The following NBAS variants were observed in gnomAD, a reference collection of about 807,000 sequenced individuals.
NBAS encodes NAG/BC035112 fusion.
A neutral mutation model predicts 302.5 loss-of-function variants in NBAS; 219 were observed. The ratio of observed to expected loss-of-function variants is 0.72; its 90% confidence interval spans 0.65 to 0.81. The LOEUF is 0.81. Among genes scored for constraint, NBAS ranks in the 30% least tolerant of loss-of-function variants. The probability of loss-of-function intolerance (pLI) is 0.00; values close to 1 mark genes in which losing one functional copy is unlikely to be tolerated. For synonymous variants in NBAS, 1,118 were observed against 1,021.6 expected (o/e 1.09, Z -1.80); for missense variants, 2,932 against 2,841.6 (o/e 1.03, Z -0.72).
chr2:15,176,345 G>A (rs948723800), intron 51 of NBAS, among the ~76,000 whole-genome samples: 3 of 152,148 alleles, frequency 2.0e-5, no homozygotes, highest in Admixed American at 2.0e-4. Context: ...TTCAGGAGGT[G>A]GGGAGGAAGA....
At chr2:15,353,401 T>G (rs1673460607) in intron 34 of NBAS, 152 bp downstream of exon 34, 1 of 964,762 alleles carries the variant, frequency 1.0e-6, no homozygotes, top group Non-Finnish European at 1.6e-6. Context: ...ATCCTAATAT[T>G]TTCATGTCCC....
At chr2:15,154,898 G>A in the NBAS span, among the ~76,000 whole-genome samples, 2 of 150,934 alleles carry the variant, frequency 1.3e-5, no homozygotes, top group African/African-American at 4.9e-5. Context: ...CCAGCCCTAG[G>A]GCTCCCTACA....
the NBAS span, among the ~76,000 whole-genome samples, chr2:15,005,618 G>T: frequency 6.6e-6 from 1 of 152,202 alleles, no homozygotes; most frequent in South Asian, 2.1e-4. Context: ...ATGTAAAGGC[G>T]AAATAGGGAC....
At chr2:15,257,400 C>CT (rs528160196) in intron 44 of NBAS, among the ~76,000 whole-genome samples, 33,754 of 135,152 alleles carry the variant, frequency 0.25, 4,661 homozygotes, top group East Asian at 0.45. Flanking sequence ...CATTTAATTT[C>CT]TTTTTTTTTT....
At chr2:15,457,883 G>A (rs1019647907) in intron 21 of NBAS, among the ~76,000 whole-genome samples, 8 of 152,194 alleles carry the variant, frequency 5.3e-5, no homozygotes, top group African/African-American at 2.4e-5. Context: ...TGTCCTTAAC[G>A]ATGGGTTGAA....
the NBAS span, among the ~76,000 whole-genome samples, chr2:15,040,260 G>T: frequency 6.6e-6 from 1 of 152,204 alleles, no homozygotes; most frequent in Non-Finnish European, 1.5e-5. Context: ...CCACAGTCCA[G>T]CAAGGTAAGG....
chr2:14,997,421 C>T, the NBAS span, among the ~76,000 whole-genome samples: 1 of 151,290 alleles, frequency 6.6e-6, no homozygotes, highest in East Asian at 1.9e-4. Flanking sequence ...CAACATTTGC[C>T]CAGCACTGAC....
intron 25 of NBAS, 46 bp downstream of exon 25, chr2:15,415,500 T>C (rs1558317369): frequency 6.5e-7 from 1 of 1,539,028 alleles, no homozygotes; most frequent in Non-Finnish European, 9.0e-7. Context: ...CCTAATACTG[T>C]AGGGGAAAAA....
intron 50 of NBAS, 111 bp downstream of exon 50, chr2:15,186,631 T>A: frequency 1.3e-6 from 2 of 1,494,686 alleles, no homozygotes; most frequent in Non-Finnish European, 1.9e-6. Flanking sequence ...CCTTTACCAG[T>A]AATTACTTAA....
At position 15,467,334 on chromosome 2, in the gene NBAS, A is replaced by G. The variant is rs555326744; in HGVS notation, c.2092T>C (p.Tyr698His). 149 of 1,609,648 alleles carry G rather than the reference A, an allele frequency of 9.3e-5. No individual in the cohort carries two copies. The South Asian group carries it at 1.5e-3, about 16-fold the overall frequency. ...LLTYLDRLAT[Y>H]EEILGVPHAS... ...TGACAAAAATTATTCATTACCTCAT[A>G]TGTTGCAAGTCGATCTAAGTAGGTT... The change falls in exon 19 of 52, where the codon TAT becomes CAT. Residue 698 changes from tyrosine (Y) to histidine (H), a missense_variant. Tyr to His is a moderately conservative substitution (Grantham distance 83). Transcript: ENST00000281513.
intron 41 of NBAS, among the ~76,000 whole-genome samples, chr2:15,287,708 G>A (rs1375996345): frequency 7.3e-5 from 11 of 150,048 alleles, no homozygotes; most frequent in Non-Finnish European, 1.3e-4. Flanking sequence ...CAGACATCCC[G>A]CATAGGCATC....
chr2:15,362,546 G>C (rs1178802119), intron 32 of NBAS, among the ~76,000 whole-genome samples: 3 of 152,004 alleles, frequency 2.0e-5, no homozygotes, highest in Admixed American at 6.6e-5. Flanking sequence ...ATGTTGCACT[G>C]AGATTCATAA....
chr2:15,033,984 G>GGAAGAAGAA, the NBAS span, among the ~76,000 whole-genome samples: 1,516 of 56,304 alleles, frequency 0.027, 71 homozygotes, highest in Middle Eastern at 0.09. Flanking sequence ...AAGAGGAAGA[G>GGAAGAAGAA]GAAGAAGAAG....
intron 36 of NBAS, among the ~76,000 whole-genome samples, chr2:15,329,664 T>C (rs569408574): frequency 1.6e-3 from 242 of 152,266 alleles, no homozygotes; most frequent in African/African-American, 5.3e-3. Context: ...ATTCTCCCCA[T>C]TGTTCACTCA....
intron 44 of NBAS, among the ~76,000 whole-genome samples, chr2:15,254,028 T>C (rs553553948): frequency 6.6e-6 from 1 of 152,128 alleles, no homozygotes; most frequent in Non-Finnish European, 1.5e-5. Context: ...TCCTAAGATG[T>C]AGACATAAGC....
chr2:15,324,874 G>A lies in NBAS; in HGVS notation c.4582+2876C>T, dbSNP rs180686970. 7.4e-4 allele frequency among the ~76,000 whole-genome samples: 113 copies of A among 152,282 alleles called. 1 individual carries two copies. The highest frequency in any genetic ancestry group is 5.8e-4 in the East Asian group (3 of 5,182). On this transcript the variant is annotated intron_variant, in intron 38 of 51. Transcript: ENST00000281513. ...CTTTACTTCTCAAGATCATTTTGAT[G>A]TCTCATCATTTAGTTATCAACTACA...
chr2:15,334,492 C>T (rs1478385798), intron 35 of NBAS, among the ~76,000 whole-genome samples: 2 of 152,106 alleles, frequency 1.3e-5, no homozygotes. Context: ...CTCTCTTCTC[C>T]TTAAGCCAAT....
At position 15,468,539 on chromosome 2, in the gene NBAS, T is replaced by C. The variant is rs1454620734; in HGVS notation, c.1726-6A>G. On this transcript the variant is annotated splice_region_variant and splice_polypyrimidine_tract_variant and intron_variant, in intron 16 of 51. Coordinates refer to ENST00000281513, the MANE Select transcript of NBAS (RefSeq NM_015909.4). ...GATCGCTTCTTTATTTTACTCTGCATATAAAGGAAGAAACAGAGGAATTAC... is the reference window on the plus strand; with the variant it reads ...GATCGCTTCTTTATTTTACTCTGCACATAAAGGAAGAAACAGAGGAATTAC... 3.7e-6 allele frequency: 6 copies of C among 1,613,436 alleles called. No individual in the cohort carries two copies. The highest frequency in any genetic ancestry group is 5.1e-6 in the Non-Finnish European group (6 of 1,179,546).
chr2:15,191,038 C>T (rs1174202059), intron 48 of NBAS, among the ~76,000 whole-genome samples: 1 of 152,166 alleles, frequency 6.6e-6, no homozygotes, highest in African/African-American at 2.4e-5. Context: ...AAACAAATCA[C>T]ATCTCCAATG....
Sources: allele counts gnomAD v4.1 joint callset (sites outside exome capture counted in the v4.1 genomes callset), GRCh38; gene constraint gnomAD v4.1.1; transcripts MANE v1.5; gene names NCBI Gene and HGNC (gene_info 2026-07-23, HGNC 2026-07-21).